The following CDIN1 variants were observed in gnomAD, a reference collection of about 807,000 sequenced individuals.
CDIN1 encodes the protein CDAN1-interacting nuclease 1.
A neutral mutation model predicts 45.3 loss-of-function variants in CDIN1; 33 were observed. The ratio of observed to expected loss-of-function variants is 0.73; its 90% CI spans 0.55 to 0.97. CDIN1 has a LOEUF of 0.97. CDIN1 is among the 50% of genes least tolerant of loss of function. The pLI, the probability that CDIN1 is intolerant of heterozygous loss-of-function variation, is 0.00. For missense variants in CDIN1, 303 were observed against 339.4 expected (o/e 0.89, Z 0.84); for synonymous variants, 118 against 124.4 (o/e 0.95, Z 0.34).
intron 10 of CDIN1, among the ~76,000 whole-genome samples, chr15:36,718,249 A>T (rs2043283747): frequency 6.6e-6 from 1 of 152,044 alleles, no homozygotes. Context: ...CCAATTCAAC[A>T]CTGTTTTGAT....
At chr15:36,584,088 A>G (rs1162649715) in intron 1 of CDIN1, among the ~76,000 whole-genome samples, 1 of 152,182 alleles carries the variant, frequency 6.6e-6, no homozygotes, top group Non-Finnish European at 1.5e-5. Context: ...ATGTGAGCCT[A>G]AACAAGTAAG....
rs12595646 is a variant in CDIN1 at position 36,639,625 on chromosome 15, A to G, written c.102-4653A>G. ...CCCCCTCAAAAAAACACAATACAGT[A>G]TTCACAACTGTTTACACAGCATTTA... On this transcript the variant is annotated intron_variant, in intron 1 of 10. Coordinates refer to ENST00000566621, the MANE Select transcript of CDIN1 (RefSeq NM_001321759.2). Among the ~76,000 whole-genome samples, 10 of 152,206 alleles carry G rather than the reference A, an allele frequency of 6.6e-5. No individual in the cohort carries two copies. In the East Asian group the frequency reaches 1.9e-3, roughly 29 times the overall value.
intron 1 of CDIN1, among the ~76,000 whole-genome samples, chr15:36,587,970 G>A (rs921176305): frequency 9.2e-5 from 14 of 152,080 alleles, no homozygotes; most frequent in Admixed American, 2.0e-4. Context: ...AGAGCTCTCC[G>A]TAAGTTTTTA....
intron 10 of CDIN1, among the ~76,000 whole-genome samples, chr15:36,716,970 A>G (rs1450170375): frequency 6.6e-6 from 1 of 151,874 alleles, no homozygotes; most frequent in African/African-American, 2.4e-5. Flanking sequence ...TGCTCTTTCT[A>G]CTCCACCGGC....
At chr15:36,799,925 A>G (rs2054954723) in intron 10 of CDIN1, 1 of 152,216 alleles carries the variant, frequency 6.6e-6, no homozygotes, top group Non-Finnish European at 1.5e-5. Flanking sequence ...ACAACAGGCT[A>G]GAAAGATTAT....
intron 1 of CDIN1, among the ~76,000 whole-genome samples, chr15:36,596,104 G>A (rs1403824997): frequency 4.6e-5 from 7 of 151,646 alleles, no homozygotes; most frequent in Admixed American, 4.6e-4. Context: ...AGAGTTGATT[G>A]AAAAGGAAAC....
At chr15:36,643,476 T>C (rs116164433) in intron 1 of CDIN1, among the ~76,000 whole-genome samples, 1,705 of 152,352 alleles carry the variant, frequency 0.011, 27 homozygotes, top group African/African-American at 0.039. Flanking sequence ...ATAATTGTTT[T>C]CAAGATACGA....
At chr15:36,674,928 A>G (rs1333390612) in intron 5 of CDIN1, among the ~76,000 whole-genome samples, 1 of 152,118 alleles carries the variant, frequency 6.6e-6, no homozygotes, top group Non-Finnish European at 1.5e-5. Flanking sequence ...TCCGAGAAAA[A>G]TGAGCAAAGA....
intron 5 of CDIN1, among the ~76,000 whole-genome samples, chr15:36,678,021 A>T (rs1488620030): frequency 6.6e-6 from 1 of 152,180 alleles, no homozygotes; most frequent in Admixed American, 6.5e-5. Flanking sequence ...CTTACATAAT[A>T]CTTTTATATT....
chr15:36,604,763 A>G (rs1327924041), intron 1 of CDIN1, among the ~76,000 whole-genome samples: 1 of 152,180 alleles, frequency 6.6e-6, no homozygotes, highest in Non-Finnish European at 1.5e-5. Flanking sequence ...ATATATGATG[A>G]TATTTAACAT....
chr15:36,597,592 G>A (rs983812743), intron 1 of CDIN1, among the ~76,000 whole-genome samples: 1 of 152,142 alleles, frequency 6.6e-6, no homozygotes, highest in Non-Finnish European at 1.5e-5. Context: ...TTGGGAGATT[G>A]GAACTTTACT....
intron 1 of CDIN1, chr15:36,618,569 A>G: frequency 1.1e-6 from 1 of 902,988 alleles, no homozygotes; most frequent in Admixed American, 1.7e-5. Context: ...AGAATCCCAG[A>G]TAAACTCATT....
At chr15:36,759,252 A>G (rs1051115468) in intron 10 of CDIN1, among the ~76,000 whole-genome samples, 2 of 152,132 alleles carry the variant, frequency 1.3e-5, no homozygotes, top group Non-Finnish European at 2.9e-5. Context: ...TCCCAAGTGA[A>G]CAAAGGAGAA....
chr15:36,591,003 A>G (rs1027686705), intron 1 of CDIN1, among the ~76,000 whole-genome samples: 11 of 152,260 alleles, frequency 7.2e-5, no homozygotes, highest in African/African-American at 2.7e-4. Context: ...ATTCTCAGAT[A>G]GAACTTTGTT....
chr15:36,580,309 A>G lies in CDIN1; in HGVS notation c.101+348A>G, dbSNP rs115643966. On this transcript the variant is annotated intron_variant, in intron 1 of 10. Transcript: ENST00000566621. ...TAGTAGGAATGAATGATGGGTGGGA[A>G]TATGAATTGTAGATTCGAAAGGAGC... Among the ~76,000 whole-genome samples the G allele has an allele frequency of 7.1e-3, 1,085 of 152,322 alleles. 22 individuals are homozygous for G. Among genetic ancestry groups the G allele is most frequent in the African/African-American group, 0.024 (1,014 of 41,572 alleles).
intron 1 of CDIN1, chr15:36,617,453 G>A: frequency 1.0e-6 from 1 of 1,002,484 alleles, no homozygotes; most frequent in South Asian, 1.3e-5. Context: ...CTAAAAGAAT[G>A]TCTAAAGAAA....
chr15:36,737,895 A>G (rs2044090540), intron 10 of CDIN1, among the ~76,000 whole-genome samples: 1 of 152,180 alleles, frequency 6.6e-6, no homozygotes, highest in Non-Finnish European at 1.5e-5. Context: ...TATATTTATG[A>G]CCAAAATCAC....
intron 3 of CDIN1, among the ~76,000 whole-genome samples, chr15:36,647,963 CT>C (rs1163359347): frequency 1.3e-4 from 20 of 152,060 alleles, no homozygotes; most frequent in African/African-American, 4.6e-4. Context: ...GCTCAGCCTC[CT>C]GGGTGGCTGG....
In CDIN1 at chr15:36,688,314, G is replaced by A. The variant is rs543125059; in HGVS notation, c.347-3371G>A. Among the ~76,000 whole-genome samples the A allele has an allele frequency of 1.6e-4, 25 of 151,836 alleles. No individual in the cohort carries two copies. The South Asian group carries it at 5.0e-3, about 30-fold the overall frequency. On this transcript the variant is annotated intron_variant, in intron 5 of 10. Transcript: ENST00000566621. ...TATCTAAAGCAAATTTATTGCAGAC[G>A]TAGAAGTTAGGTCAGGGTGGTGAGT...
Sources: gnomAD v4.1 joint callset for allele counts (sites outside exome capture counted in the v4.1 genomes callset) on GRCh38, gnomAD v4.1.1 for gene constraint, MANE v1.5 for transcripts, NCBI Gene and HGNC (gene_info 2026-07-23, HGNC 2026-07-21) for gene names.